RAB27B: variants seen among roughly 807,000 people sequenced by gnomAD.
RAB27B encodes the protein RAB27B, member RAS oncogene family.
RAB27B carries 15 observed loss-of-function variants against 24.6 expected under a neutral mutation model. The ratio of observed to expected loss-of-function variants is 0.61; its 90% CI spans 0.41 to 0.94. RAB27B has a LOEUF of 0.94. RAB27B is among the 40% of genes least tolerant of loss of function. The probability of loss-of-function intolerance (pLI) is 0.00; values close to 1 mark genes in which losing one functional copy is unlikely to be tolerated. For synonymous variants in RAB27B, 105 were observed against 92.5 expected (o/e 1.14, Z -0.78); for missense variants, 261 against 266.8 (o/e 0.98, Z 0.15).
intron 2 of RAB27B, among the ~76,000 whole-genome samples, chr18:54,800,882 T>C (rs1052723674): frequency 6.6e-6 from 1 of 152,230 alleles, no homozygotes; most frequent in Non-Finnish European, 1.5e-5. Context: ...TCAGCTCATA[T>C]ATAATAAGTA....
chr18:54,782,724 A>T (rs1360403924), intron 2 of RAB27B, among the ~76,000 whole-genome samples: 1 of 152,216 alleles, frequency 6.6e-6, no homozygotes, highest in Non-Finnish European at 1.5e-5. Flanking sequence ...TCTGAATTGG[A>T]GTGAAGATGA....
At chr18:54,774,037 A>AT (rs552009242) in intron 2 of RAB27B, among the ~76,000 whole-genome samples, 25 of 151,950 alleles carry the variant, frequency 1.6e-4, no homozygotes, top group Non-Finnish European at 2.6e-4. Flanking sequence ...TACAACTTCT[A>AT]TTTTTTTTCC....
chr18:54,726,470 A>G (rs8085199), intron 2 of RAB27B, among the ~76,000 whole-genome samples: 1,573 of 151,680 alleles, frequency 0.01, 44 homozygotes, highest in African/African-American at 0.037. Context: ...AGTTATGAAC[A>G]TCTATCACAC....
rs925423845 is a variant in RAB27B at position 54,894,068 on chromosome 18, G to T, written c.*4655G>T. 1 of 151,842 alleles carries T rather than the reference G, an allele frequency of 6.6e-6. No homozygotes were observed. The highest frequency in any genetic ancestry group is 1.5e-5 in the Non-Finnish European group (1 of 67,904). The allele number at this position is 151,842 out of a possible 1,614,324, so 9.4% of individuals were successfully genotyped here. On this transcript the variant is annotated 3_prime_UTR_variant, in exon 6 of 6. Coordinates refer to ENST00000262094, the MANE Select transcript of RAB27B (RefSeq NM_004163.4). ...ATAAATCTAATTTTTCCATAAATTA[G>T]ATTTATGATATTTTCATAAAGCACT...
At position 54,889,745 on chromosome 18, in the gene RAB27B, G is replaced by A. The variant is rs1157567724; in HGVS notation, c.*332G>A. ...AGTTTTAAATCAGAACAAGTTACCT[G>A]TCACATTGAAGAAAAGGGTAGGCAC... On this transcript the variant is annotated 3_prime_UTR_variant, in exon 6 of 6. Transcript: ENST00000262094. 1.8e-5 allele frequency: 3 copies of A among 169,708 alleles called. No homozygotes were observed. The highest frequency in any genetic ancestry group is 3.7e-5 in the Non-Finnish European group (3 of 80,140). 10.5% of individuals were successfully genotyped at this position (169,708 alleles called of 1,614,324 possible).
chr18:54,724,002 G>C (rs2144977103), intron 2 of RAB27B, among the ~76,000 whole-genome samples: 1 of 143,962 alleles, frequency 6.9e-6, no homozygotes, highest in Admixed American at 6.9e-5. Flanking sequence ...CCATGGCATA[G>C]TGGCCAAAAT....
At chr18:54,720,596 A>G (rs892398858) in intron 2 of RAB27B, among the ~76,000 whole-genome samples, 3 of 152,116 alleles carry the variant, frequency 2.0e-5, no homozygotes, top group African/African-American at 7.2e-5. Context: ...AACATAAAGG[A>G]AGAAGTATCA....
At chr18:54,739,072 T>G (rs1295580565) in intron 2 of RAB27B, among the ~76,000 whole-genome samples, 1 of 152,212 alleles carries the variant, frequency 6.6e-6, no homozygotes, top group East Asian at 1.9e-4. Flanking sequence ...TGTGTATGTC[T>G]GCTTTCACTC....
intron 2 of RAB27B, among the ~76,000 whole-genome samples, chr18:54,775,062 C>G (rs1908675684): frequency 6.6e-6 from 1 of 152,222 alleles, no homozygotes; most frequent in South Asian, 2.1e-4. Flanking sequence ...AGGAACTTGG[C>G]CTCTGTCCTT....
chr18:54,766,052 C>T (rs1598888279), intron 2 of RAB27B, among the ~76,000 whole-genome samples: 1 of 152,152 alleles, frequency 6.6e-6, no homozygotes, highest in East Asian at 1.9e-4. Context: ...TTGGCGAAGA[C>T]ACATTTTTAG....
chr18:54,825,427 A>G (rs1828969535), upstream of RAB27B, among the ~76,000 whole-genome samples: 1 of 152,050 alleles, frequency 6.6e-6, no homozygotes, highest in Non-Finnish European at 1.5e-5. Context: ...CCTTTTCTGC[A>G]TAGAAAGAAG....
At chr18:54,792,921 G>T (rs1909298072) in intron 2 of RAB27B, among the ~76,000 whole-genome samples, 1 of 152,116 alleles carries the variant, frequency 6.6e-6, no homozygotes, top group African/African-American at 2.4e-5. Flanking sequence ...AGGGGAATTG[G>T]TTCCAGGATT....
At chr18:54,886,599 A>G (rs1913147324) in intron 4 of RAB27B, among the ~76,000 whole-genome samples, 1 of 152,006 alleles carries the variant, frequency 6.6e-6, no homozygotes, top group African/African-American at 2.4e-5. Flanking sequence ...TCCATTTAAT[A>G]TTGTATTTCA....
chr18:54,839,916 G>A (rs1911042719), intron 1 of RAB27B, among the ~76,000 whole-genome samples: 1 of 152,080 alleles, frequency 6.6e-6, no homozygotes, highest in Non-Finnish European at 1.5e-5. Context: ...CTATACATAA[G>A]TCAATAACAT....
intron 1 of RAB27B, among the ~76,000 whole-genome samples, chr18:54,864,737 C>A (rs1426759005): frequency 6.6e-6 from 1 of 152,100 alleles, no homozygotes; most frequent in Non-Finnish European, 1.5e-5. Context: ...TCTAGATTCC[C>A]AGTTGTCTTC....
chr18:54,888,311 T>C (rs1913229004), intron 5 of RAB27B, among the ~76,000 whole-genome samples, 193 bp downstream of exon 5: 1 of 152,212 alleles, frequency 6.6e-6, no homozygotes, highest in African/African-American at 2.4e-5. Flanking sequence ...ATTTACTGTA[T>C]ACCTATAATG....
chr18:54,805,015 T>C (rs1909747068), intron 2 of RAB27B, among the ~76,000 whole-genome samples: 1 of 151,688 alleles, frequency 6.6e-6, no homozygotes, highest in African/African-American at 2.4e-5. Context: ...TTCCTCTTTT[T>C]TTAATTTTTG....
At chr18:54,823,500 C>T (rs952258428), upstream of RAB27B, among the ~76,000 whole-genome samples, 8 of 152,154 alleles carry the variant, frequency 5.3e-5, no homozygotes, top group Non-Finnish European at 1.2e-4. Flanking sequence ...ACTCATGCTA[C>T]TAAAGACAAG....
intron 2 of RAB27B, among the ~76,000 whole-genome samples, chr18:54,752,609 G>A (rs568416764): frequency 1.3e-5 from 2 of 152,150 alleles, no homozygotes; most frequent in Non-Finnish European, 1.5e-5. Flanking sequence ...TTTCTATTTG[G>A]GGTTTGTTTG....
Sources: gnomAD v4.1 joint callset for allele counts (sites outside exome capture counted in the v4.1 genomes callset) on GRCh38, gnomAD v4.1.1 for gene constraint, MANE v1.5 for transcripts, NCBI Gene and HGNC (gene_info 2026-07-23, HGNC 2026-07-21) for gene names.